Variants in SORBS2 observed in about 807,000 individuals in gnomAD.
The protein encoded by SORBS2 is sorbin and SH3 domain-containing protein 2.
A neutral mutation model predicts 97.7 loss-of-function variants in SORBS2; 46 were observed. The ratio of observed to expected loss-of-function variants is 0.47; its 90% CI spans 0.37 to 0.60. The LOEUF is 0.60. SORBS2 is among the 20% of genes least tolerant of loss of function. The probability of loss-of-function intolerance (pLI) is 0.00; values close to 1 mark genes in which losing one functional copy is unlikely to be tolerated. For missense variants in SORBS2, 1,316 were observed against 1,282.3 expected, an observed-to-expected ratio of 1.03 and a Z score of -0.40; for synonymous variants, 476 against 473.4, an observed-to-expected ratio of 1.01 and a Z score of -0.07.
rs1232151376 is a variant in SORBS2 at position 185,684,081 on chromosome 4, C to G, written c.-197-5259G>C. Among the ~76,000 whole-genome samples the G allele has an allele frequency of 6.6e-6, 1 of 152,160 alleles. No homozygotes were observed. Among genetic ancestry groups the G allele is most frequent in the Non-Finnish European group, 1.5e-5 (1 of 68,034 alleles). ...GGGTCTATTTCAGGGTCTGGAGGCA[C>G]TGGGCTTGCTGGCCTCCCTTTGACC... is the stretch of plus-strand genomic sequence containing the variant. On this transcript the variant is annotated intron_variant, in intron 2 of 20. Transcript: ENST00000284776. The surrounding 1 kb of genome is among the most constrained non-coding windows in gnomAD (Gnocchi z 4.2).
intron 1 of SORBS2, among the ~76,000 whole-genome samples, chr4:185,823,806 G>A (rs560433950): frequency 2.0e-5 from 3 of 152,230 alleles, no homozygotes; most frequent in South Asian, 4.1e-4. Flanking sequence ...TTTCAAGGCC[G>A]TGCATGCATG....
At position 185,626,831 on chromosome 4, in the gene SORBS2, C is replaced by A; in HGVS notation, c.634+1G>T. On this transcript the variant is annotated splice_donor_variant, in intron 6 of 14. Coordinates refer to ENST00000418609, the Ensembl canonical transcript of SORBS2. LOFTEE classifies it high-confidence loss of function. ...GTTGTGTTTTCATTTACTATGCTCA[C>A]CTTTTGCTCTTGATGGGGAAGAAGG... The A allele has an allele frequency of 6.2e-7, 1 of 1,614,010 alleles. No homozygotes were observed. Among genetic ancestry groups the A allele is most frequent in the Non-Finnish European group, 8.5e-7 (1 of 1,179,858 alleles).
At chr4:185,833,577 C>T (rs1310285049) in intron 1 of SORBS2, among the ~76,000 whole-genome samples, 2 of 152,032 alleles carry the variant, frequency 1.3e-5, no homozygotes, top group African/African-American at 4.8e-5. Context: ...TAGATTACTA[C>T]AATACACAAA....
intron 2 of SORBS2, among the ~76,000 whole-genome samples, chr4:185,752,751 C>A (rs534457698): frequency 1.3e-5 from 2 of 152,086 alleles, no homozygotes; most frequent in African/African-American, 2.4e-5. Flanking sequence ...TTGAAAGAAG[C>A]GACAACTTAA....
At chr4:185,742,381 G>A (rs1356874281) in intron 2 of SORBS2, among the ~76,000 whole-genome samples, 7 of 152,178 alleles carry the variant, frequency 4.6e-5, no homozygotes, top group Admixed American at 4.6e-4. Flanking sequence ...CATATCACAA[G>A]ATGGGAATAA....
chr4:185,618,443 A>C (rs1444051678), intron 9 of SORBS2, 142 bp downstream of exon 21: 2 of 429,146 alleles, frequency 4.7e-6, no homozygotes, highest in Non-Finnish European at 8.5e-6. Context: ...GTAATTCTGA[A>C]GGAACCATTT....
At chr4:185,809,353 C>T (rs1286517125) in intron 1 of SORBS2, among the ~76,000 whole-genome samples, 4 of 124,654 alleles carry the variant, frequency 3.2e-5, no homozygotes, top group African/African-American at 1.3e-4. Flanking sequence ...GGGTGGGGGA[C>T]AGTGAGGGGG....
intron 1 of SORBS2, among the ~76,000 whole-genome samples, chr4:185,891,435 T>C (rs1288525561): frequency 6.6e-6 from 1 of 152,194 alleles, no homozygotes; most frequent in East Asian, 1.9e-4. Context: ...CTGAATTATG[T>C]TAAGGAACAG....
At chr4:185,792,588 A>G (rs550669849) in intron 1 of SORBS2, among the ~76,000 whole-genome samples, 16 of 152,250 alleles carry the variant, frequency 1.1e-4, no homozygotes, top group African/African-American at 3.9e-4. Context: ...AGGAAAGAAA[A>G]TATGAACAAG....
chr4:185,834,227 A>C (rs992979795), intron 1 of SORBS2, among the ~76,000 whole-genome samples: 2 of 152,134 alleles, frequency 1.3e-5, no homozygotes, highest in African/African-American at 4.8e-5. Flanking sequence ...GACAACCTAC[A>C]CTCATGGTGG....
exon 1 of SORBS2, chr4:185,956,303 T>C (rs2099279489): frequency 6.6e-6 from 1 of 152,222 alleles, no homozygotes; most frequent in Non-Finnish European, 1.5e-5. Context: ...CGGGTCTGCC[T>C]TGTAGCCGCA....
chr4:185,611,154 C>T (rs1052587952), intron 12 of SORBS2, among the ~76,000 whole-genome samples: 40 of 151,958 alleles, frequency 2.6e-4, no homozygotes, highest in Admixed American at 9.2e-4. Flanking sequence ...TTATAATAAC[C>T]GACAACATTT....
intron 1 of SORBS2, among the ~76,000 whole-genome samples, chr4:185,822,246 A>C (rs2099197204): frequency 6.6e-6 from 1 of 152,170 alleles, no homozygotes; most frequent in Non-Finnish European, 1.5e-5. Flanking sequence ...GTGTTTCCCC[A>C]GTTGGGTGTG....
exon 12 of SORBS2, chr4:185,611,979 C>T (rs1398663422): frequency 6.3e-7 from 1 of 1,576,014 alleles, no homozygotes; most frequent in Non-Finnish European, 8.7e-7. Context: ...AACTCTATCT[C>T]CCTGTTATGA....
intron 1 of SORBS2, among the ~76,000 whole-genome samples, chr4:185,806,459 T>G (rs1316570492): frequency 2.2e-5 from 2 of 92,490 alleles, no homozygotes; most frequent in East Asian, 2.5e-4. Flanking sequence ...TTTTTTTTTT[T>G]TTTTTTTTTT....
intron 1 of SORBS2, among the ~76,000 whole-genome samples, chr4:185,854,785 A>AAGAGAGAGAGAGAGAGAGAG (rs10560938): frequency 4.7e-5 from 7 of 149,680 alleles, no homozygotes; most frequent in African/African-American, 1.7e-4. Flanking sequence ...AGAAATAGAG[A>AAGAGAGAGAGAGAGAGAGAG]AGAGAGAGAG....
chr4:185,827,922 AT>A (rs2099202668), intron 1 of SORBS2, among the ~76,000 whole-genome samples: 1 of 146,096 alleles, frequency 6.8e-6, no homozygotes, highest in Non-Finnish European at 1.5e-5. Flanking sequence ...CATCATCATC[AT>A]CACCATCATC....
chr4:185,915,145 A>G (rs1486598505), intron 1 of SORBS2, among the ~76,000 whole-genome samples: 1 of 152,206 alleles, frequency 6.6e-6, no homozygotes, highest in African/African-American at 2.4e-5. Flanking sequence ...ATGTTATTTT[A>G]AAACTTTTTT....
At position 185,862,546 on chromosome 4, in the gene SORBS2, G is replaced by C. The variant is rs116372177; in HGVS notation, c.-337-87180C>G. 4.2e-3 allele frequency among the ~76,000 whole-genome samples: 643 copies of C among 152,344 alleles called. 6 individuals carry two copies. Among genetic ancestry groups the C allele is most frequent in the African/African-American group, 0.014 (599 of 41,600 alleles). On this transcript the variant is annotated intron_variant, in intron 1 of 20. Transcript: ENST00000284776. ...GTCCACTTAGATCCCTCTGGTGGCT[G>C]AGATCACTGCTTACCTTGCGGTGCA...
Sources: allele counts gnomAD v4.1 joint callset (sites outside exome capture counted in the v4.1 genomes callset), GRCh38; gene constraint gnomAD v4.1.1; non-coding constraint Gnocchi (gnomAD v3.1); transcripts MANE v1.5; gene names NCBI Gene and HGNC (gene_info 2026-07-23, HGNC 2026-07-21).